Variants in CGB5 observed in about 807,000 individuals in gnomAD.
CGB5 encodes chorionic gonadotropin subunit beta 5, also known as chorionic gonadotropin, beta polypeptide 5.
CGB5 carries 2 observed loss-of-function variants against 7.6 expected under a neutral mutation model. The ratio of observed to expected loss-of-function variants is 0.26; its 90% CI spans 0.11 to 0.83. The LOEUF (loss-of-function observed/expected upper bound fraction) is 0.83. CGB5 is among the 40% of genes least tolerant of loss of function. The pLI is 0.65. For synonymous variants in CGB5, 25 were observed against 99.8 expected (o/e 0.25, Z 4.47); for missense variants, 48 against 228.2 (o/e 0.21, Z 5.09).
chr19:49,044,126 C>A lies in CGB5; in HGVS notation c.-84C>A. On this transcript the variant is annotated 5_prime_UTR_variant, in exon 1 of 3. Transcript: ENST00000301408. Reference sequence around the variant, plus strand: ...AGGGTTAGTGTCGAGCTCACCCCAGCATCCTACAACCTCCTGGTGGCCTTG... The same window carrying A: ...AGGGTTAGTGTCGAGCTCACCCCAGAATCCTACAACCTCCTGGTGGCCTTG... The A allele has an allele frequency of 6.2e-7, 1 of 1,613,640 alleles. No individual in the cohort carries two copies. The highest frequency in any genetic ancestry group is 8.5e-7 in the Non-Finnish European group (1 of 1,179,700).
Position 49,044,236 on chromosome 19 carries a change from G to A in CGB5, c.15+12G>A. 6.2e-7 allele frequency: 1 copy of A among 1,613,230 alleles called. No homozygotes were observed. Among genetic ancestry groups the A allele is most frequent in the Non-Finnish European group, 8.5e-7 (1 of 1,179,790 alleles). On this transcript the variant is annotated intron_variant, in intron 1 of 2. Transcript: ENST00000301408. ...TGGAGATGTTCCAGGTAAGACTGCA[G>A]GGCCCCTGGGCACCTTCCACCTCCT...
chr19:49,045,308 C>T lies in CGB5; in HGVS notation c.*14C>T, dbSNP rs2039926483. ...CTCCCACAATAAAGGCTTCTCAATC[C>T]GCACTCTGGAGGTGTCTTTCTGTGG... On this transcript the variant is annotated 3_prime_UTR_variant, in exon 3 of 3. Transcript: ENST00000301408. 6 of 1,611,342 alleles carry T rather than the reference C, an allele frequency of 3.7e-6. No homozygotes were observed. Among genetic ancestry groups the T allele is most frequent in the African/African-American group, 2.7e-5 (2 of 74,616 alleles).
rs778486675 is a variant in CGB5, at chr19:49,044,200, C to T, written c.-10C>T. On this transcript the variant is annotated 5_prime_UTR_variant, in exon 1 of 3. It adds an upstream start codon to the 5' untranslated region. Transcript: ENST00000301408. ...AAAGCCAGGTACACGAGGCAGGGGA[C>T]GCACCAAGGATGGAGATGTTCCAGG... is the stretch of plus-strand genomic sequence containing the variant. 2.5e-4 allele frequency: 400 copies of T among 1,613,602 alleles called. 3 individuals are homozygous for T. In the East Asian group the frequency reaches 6.2e-3, roughly 25 times the overall value.
Position 49,044,153 on chromosome 19 carries a change from C to A in CGB5, c.-57C>A, listed in dbSNP as rs375590697. On this transcript the variant is annotated 5_prime_UTR_variant, in exon 1 of 3. Coordinates refer to ENST00000301408, the MANE Select transcript of CGB5 (RefSeq NM_033043.2). ...TCCTACAACCTCCTGGTGGCCTTGC[C>A]GCCCCCACAACCCCGAGGTATAAAG... 6.2e-7 allele frequency: 1 copy of A among 1,613,650 alleles called. No individual in the cohort carries two copies. The highest frequency in any genetic ancestry group is 1.3e-5 in the African/African-American group (1 of 74,790).
chr19:49,044,110 G>T lies in CGB5; in HGVS notation c.-100G>T. On this transcript the variant is annotated 5_prime_UTR_variant, in exon 1 of 3. Transcript: ENST00000301408. ...ACCTCTTGCCCCCCGAAGGGTTAGT[G>T]TCGAGCTCACCCCAGCATCCTACAA... 1 of 1,611,972 alleles carries T rather than the reference G, an allele frequency of 6.2e-7. No individual in the cohort carries two copies. Among genetic ancestry groups the T allele is most frequent in the South Asian group, 1.1e-5 (1 of 90,998 alleles).
intron 2 of CGB5, 94 bp downstream of exon 2, chr19:49,044,838 G>C (rs1295361761): frequency 9.4e-6 from 8 of 847,994 alleles, no homozygotes; most frequent in African/African-American, 1.9e-5. Context: ...CTCTGGTCAG[G>C]GGCTGCGGAA....
chr19:49,044,467 A>G, intron 1 of CGB5, 110 bp from the exon 2 acceptor site: 2 of 1,419,156 alleles, frequency 1.4e-6, no homozygotes, highest in Non-Finnish European at 1.8e-6. Context: ...TGAATAGGAG[A>G]TGCCGGGAAG....
chr19:49,043,907 C>T lies in CGB5; in HGVS notation c.-303C>T, dbSNP rs944758839. On this transcript the variant is annotated 5_prime_UTR_variant, in exon 1 of 3. Coordinates refer to ENST00000301408, the MANE Select transcript of CGB5 (RefSeq NM_033043.2). ...CCCAGGACCCCACCATAGGCAGAGG[C>T]AGGCCTTCCTACACCCTACTCCCTG... 1.0e-4 allele frequency: 128 copies of T among 1,241,158 alleles called. No individual in the cohort carries two copies. Among genetic ancestry groups the T allele is most frequent in the Non-Finnish European group, 1.3e-4 (127 of 946,888 alleles). The allele number at this position is 1,241,158 out of a possible 1,614,324, so 76.9% of individuals were successfully genotyped here. A position where few individuals can be genotyped will look rare whatever the true frequency, so the allele number is the denominator to read the frequency against.
intron 2 of CGB5, 30 bp from the exon 3 acceptor site, chr19:49,044,950 T>G (rs762783346): frequency 1.0e-5 from 16 of 1,592,600 alleles, no homozygotes; most frequent in Admixed American, 8.4e-5. Context: ...CCCAGGCACA[T>G]GCTCATTCCC....
In CGB5 at chr19:49,044,032, G is replaced by C. The variant is rs544165307; in HGVS notation, c.-178G>C. 85 of 1,102,312 alleles carry C rather than the reference G, an allele frequency of 7.7e-5. No individual in the cohort carries two copies. In the South Asian group the frequency reaches 1.3e-3, roughly 17 times the overall value. 68.3% of individuals were successfully genotyped at this position (1,102,312 alleles called of 1,614,324 possible). ...ACCCTTGGCGCTGGACCAGTGAGAG[G>C]AGAGGGCTGGGGCGCTCCGCTGAGC... On this transcript the variant is annotated 5_prime_UTR_variant, in exon 1 of 3. Transcript: ENST00000301408.
Position 49,044,194 on chromosome 19 carries a change from A to C in CGB5, c.-16A>C, listed in dbSNP as rs770408103. 3.7e-6 allele frequency: 6 copies of C among 1,613,710 alleles called. No individual in the cohort carries two copies. The highest frequency in any genetic ancestry group is 5.1e-6 in the Non-Finnish European group (6 of 1,179,854). On this transcript the variant is annotated 5_prime_UTR_variant, in exon 1 of 3. Coordinates refer to ENST00000301408, the MANE Select transcript of CGB5 (RefSeq NM_033043.2). ...AGGTATAAAGCCAGGTACACGAGGC[A>C]GGGGACGCACCAAGGATGGAGATGT...
In CGB5 at chr19:49,044,019, G is replaced by A. The variant is rs2039911392; in HGVS notation, c.-191G>A. 14 of 1,168,050 alleles carry A rather than the reference G, an allele frequency of 1.2e-5. No homozygotes were observed. The highest frequency in any genetic ancestry group is 3.1e-5 in the African/African-American group (2 of 63,792). The allele number at this position is 1,168,050 out of a possible 1,614,324, so 72.4% of individuals were successfully genotyped here. On this transcript the variant is annotated 5_prime_UTR_variant, in exon 1 of 3. Coordinates refer to ENST00000301408, the MANE Select transcript of CGB5 (RefSeq NM_033043.2). ...TGGTCTCCGCCTCACCCTTGGCGCT[G>A]GACCAGTGAGAGGAGAGGGCTGGGG...
chr19:49,044,997 G>T lies in CGB5; in HGVS notation c.201G>T (p.Gly67=), dbSNP rs1305476329. 3 of 1,568,504 alleles carry T rather than the reference G, an allele frequency of 1.9e-6. No individual in the cohort carries two copies. Among genetic ancestry groups the T allele is most frequent in the East Asian group, 4.5e-5 (2 of 44,668 alleles). The change falls in exon 3 of 3, where the codon GGG becomes GGT. Residue 67 remains glycine, a synonymous_variant. Coordinates refer to ENST00000301408, the MANE Select transcript of CGB5 (RefSeq NM_033043.2). ...GCTTCCAGACCCGCGTGCTGCAGGGGGTCCTGCCGGCCCTGCCTCAGGTGG... is the reference window on the plus strand; with the variant it reads ...GCTTCCAGACCCGCGTGCTGCAGGGTGTCCTGCCGGCCCTGCCTCAGGTGG... ...YCPTMTRVLQ[G]VLPALPQVVC...
In CGB5 at chr19:49,044,200, C is replaced by G. The variant is rs778486675; in HGVS notation, c.-10C>G. The G allele has an allele frequency of 5.0e-6, 8 of 1,613,494 alleles. No homozygotes were observed. The South Asian group carries it at 5.5e-5, about 11-fold the overall frequency. On this transcript the variant is annotated 5_prime_UTR_variant, in exon 1 of 3. Coordinates refer to ENST00000301408, the MANE Select transcript of CGB5 (RefSeq NM_033043.2). ...AAAGCCAGGTACACGAGGCAGGGGACGCACCAAGGATGGAGATGTTCCAGG... is the reference window on the plus strand; with the variant it reads ...AAAGCCAGGTACACGAGGCAGGGGAGGCACCAAGGATGGAGATGTTCCAGG...
chr19:49,044,189 G>C lies in CGB5; in HGVS notation c.-21G>C, dbSNP rs12610392. On this transcript the variant is annotated 5_prime_UTR_variant, in exon 1 of 3. Coordinates refer to ENST00000301408, the MANE Select transcript of CGB5 (RefSeq NM_033043.2). The stretch of plus-strand genomic sequence containing the variant: ...CCCCGAGGTATAAAGCCAGGTACAC[G>C]AGGCAGGGGACGCACCAAGGATGGA... The C allele has an allele frequency of 0.28, 421,732 of 1,499,384 alleles. 54,572 individuals carry two copies. The highest frequency in any genetic ancestry group is 0.34 in the Admixed American group (19,217 of 57,104). The allele number at this position is 1,499,384 out of a possible 1,614,324, so 92.9% of individuals were successfully genotyped here. A position where few individuals can be genotyped will look rare whatever the true frequency, so the allele number is the denominator to read the frequency against.
chr19:49,044,351 T>A, intron 1 of CGB5, 127 bp downstream of exon 1: 1 of 1,604,238 alleles, frequency 6.2e-7, no homozygotes, highest in African/African-American at 1.4e-5. Context: ...CCAGTAAGCT[T>A]CAGGTGGGGC....
Position 49,044,153 on chromosome 19 carries a change from C to T in CGB5, c.-57C>T, listed in dbSNP as rs375590697. 11 of 1,613,802 alleles carry T rather than the reference C, an allele frequency of 6.8e-6. No homozygotes were observed. The highest frequency in any genetic ancestry group is 1.3e-5 in the African/African-American group (1 of 74,910). ...TCCTACAACCTCCTGGTGGCCTTGC[C>T]GCCCCCACAACCCCGAGGTATAAAG... is the stretch of plus-strand genomic sequence containing the variant. On this transcript the variant is annotated 5_prime_UTR_variant, in exon 1 of 3. Coordinates refer to ENST00000301408, the MANE Select transcript of CGB5 (RefSeq NM_033043.2).
chr19:49,044,375 G>A (rs551985240), intron 1 of CGB5, 151 bp downstream of exon 1: 30 of 1,600,906 alleles, frequency 1.9e-5, no homozygotes, highest in Non-Finnish European at 2.4e-5. Context: ...TCCTAAGGGT[G>A]GGGATCTGAA....
At position 49,044,168 on chromosome 19, in the gene CGB5, G is replaced by A. The variant is rs375003905; in HGVS notation, c.-42G>A. On this transcript the variant is annotated 5_prime_UTR_variant, in exon 1 of 3. Coordinates refer to ENST00000301408, the MANE Select transcript of CGB5 (RefSeq NM_033043.2). ...GTGGCCTTGCCGCCCCCACAACCCCGAGGTATAAAGCCAGGTACACGAGGC... is the reference window on the plus strand; with the variant it reads ...GTGGCCTTGCCGCCCCCACAACCCCAAGGTATAAAGCCAGGTACACGAGGC... 213 of 1,613,660 alleles carry A rather than the reference G, an allele frequency of 1.3e-4. No individual in the cohort carries two copies. Among genetic ancestry groups the A allele is most frequent in the Non-Finnish European group, 1.6e-4 (194 of 1,179,858 alleles).
Sources: gnomAD v4.1 joint callset for allele counts on GRCh38, gnomAD v4.1.1 for gene constraint, MANE v1.5 for transcripts, NCBI Gene and HGNC (gene_info 2026-07-23, HGNC 2026-07-21) for gene names.